Variants in LRP1B observed in about 807,000 individuals in gnomAD.
LRP1B encodes the protein low-density lipoprotein receptor-related protein 1B.
LRP1B carries 217 observed loss-of-function variants against 556.6 expected under a neutral mutation model. That is an observed-to-expected ratio of 0.39 (90% CI 0.35 to 0.44). The LOEUF (loss-of-function observed/expected upper bound fraction) is 0.44, where lower values mean the gene tolerates loss of function less well. Ranked by LOEUF, LRP1B falls within the 20% of genes least tolerant of loss-of-function variation. LRP1B has a pLI of 1.00. For synonymous variants in LRP1B, 2,047 were observed against 1,865.8 expected (o/e 1.10, Z -2.50); for missense variants, 5,053 against 5,620.8 (o/e 0.90, Z 3.23).
chr2:141,153,739 T>C (rs1034852583), intron 7 of LRP1B, among the ~76,000 whole-genome samples: 3 of 150,328 alleles, frequency 2.0e-5, no homozygotes, highest in Non-Finnish European at 3.0e-5. Flanking sequence ...AGCTAGGAAA[T>C]ATCTTCAAGA....
intron 66 of LRP1B, among the ~76,000 whole-genome samples, chr2:140,404,974 G>A (rs1420526917): frequency 6.6e-6 from 1 of 152,130 alleles, no homozygotes; most frequent in African/African-American, 2.4e-5. Context: ...GATATGATAG[G>A]CTGCAAAACA....
chr2:141,948,799 ATAATT>A (rs1485118784), intron 1 of LRP1B, among the ~76,000 whole-genome samples: 1 of 152,106 alleles, frequency 6.6e-6, no homozygotes, highest in African/African-American at 2.4e-5. Context: ...CATAAAAATA[ATAATT>A]TAATAACAAT....
intron 7 of LRP1B, among the ~76,000 whole-genome samples, chr2:141,131,548 A>T (rs993706088): frequency 1.3e-5 from 2 of 151,462 alleles, no homozygotes; most frequent in Non-Finnish European, 2.9e-5. Context: ...AAGAAAATAA[A>T]TTCAAACCAT....
intron 1 of LRP1B, among the ~76,000 whole-genome samples, chr2:142,098,306 TGC>T (rs1706448199): frequency 2.0e-5 from 3 of 151,792 alleles, no homozygotes; most frequent in Non-Finnish European, 4.4e-5. Flanking sequence ...TCTTTGTTGA[TGC>T]TTTTAAATAA....
chr2:142,092,505 A>T (rs894951216), intron 1 of LRP1B, among the ~76,000 whole-genome samples: 2 of 152,134 alleles, frequency 1.3e-5, no homozygotes, highest in Non-Finnish European at 2.9e-5. Context: ...AAATTAATAG[A>T]TATGGTAGAA....
intron 2 of LRP1B, among the ~76,000 whole-genome samples, chr2:141,613,100 A>G (rs1688167476): frequency 9.2e-5 from 14 of 151,718 alleles, no homozygotes; most frequent in Admixed American, 9.2e-4. Flanking sequence ...GAGCCACCGC[A>G]CCTGGCCTGT....
chr2:142,042,610 A>G (rs1469463843), intron 1 of LRP1B, among the ~76,000 whole-genome samples: 2 of 151,490 alleles, frequency 1.3e-5, no homozygotes, highest in African/African-American at 2.4e-5. Context: ...TTCTTCAGCA[A>G]TCCTGGCAAG....
chr2:141,062,897 C>T (rs1172275383), intron 7 of LRP1B, among the ~76,000 whole-genome samples: 2 of 151,762 alleles, frequency 1.3e-5, no homozygotes, highest in South Asian at 4.1e-4. Context: ...TAGGTCATTT[C>T]TTCTTGTTTT....
At chr2:140,443,165 A>C (rs1198902872) in intron 65 of LRP1B, among the ~76,000 whole-genome samples, 1 of 152,078 alleles carries the variant, frequency 6.6e-6, no homozygotes, top group Non-Finnish European at 1.5e-5. Context: ...GAATCAAGTG[A>C]TTCTCCTGCC....
At chr2:140,325,071 C>T (rs1320913146) in intron 80 of LRP1B, among the ~76,000 whole-genome samples, 1 of 150,818 alleles carries the variant, frequency 6.6e-6, no homozygotes, top group Non-Finnish European at 1.5e-5. Context: ...TTTGTGGTTA[C>T]AAAAAAATTG....
At chr2:141,162,915 T>C (rs1218814672) in intron 7 of LRP1B, among the ~76,000 whole-genome samples, 1 of 152,140 alleles carries the variant, frequency 6.6e-6, no homozygotes, top group Admixed American at 6.6e-5. Flanking sequence ...TATCTCACTT[T>C]GAGCAAACTA....
intron 43 of LRP1B, among the ~76,000 whole-genome samples, chr2:140,560,970 G>C (rs1663121171): frequency 6.6e-6 from 1 of 152,080 alleles, no homozygotes; most frequent in African/African-American, 2.4e-5. Context: ...GGAATGTACT[G>C]GTGCTCAGAA....
In LRP1B at chr2:140,678,770, C is replaced by CTTT. The variant is rs35395485; in HGVS notation, c.6799+21477_6799+21479dup. Among the ~76,000 whole-genome samples the CTTT allele has an allele frequency of 2.9e-4, 39 of 136,194 alleles. 1 individual carries two copies. Among genetic ancestry groups the CTTT allele is most frequent in the South Asian group, 9.3e-4 (4 of 4,316 alleles). The allele number at this position is 136,194 out of a possible 152,430, so 89.3% of individuals were successfully genotyped here. On this transcript the variant is annotated intron_variant, in intron 41 of 90. Coordinates refer to ENST00000389484, the MANE Select transcript of LRP1B (RefSeq NM_018557.3). ...GATTTCTTCTGAGGCTTCAATCTCCCTTTTTTTTTTTTTTTTGGTTGGGGG... is the reference window on the plus strand; with the variant it reads ...GATTTCTTCTGAGGCTTCAATCTCCCTTTTTTTTTTTTTTTTTTTGGTTGGGGG...
At position 141,569,692 on chromosome 2, in the gene LRP1B, G is replaced by A. The variant is rs187327951; in HGVS notation, c.206-89159C>T. Among the ~76,000 whole-genome samples the A allele has an allele frequency of 4.2e-4, 63 of 151,198 alleles. 3 individuals carry two copies. The highest frequency in any genetic ancestry group is 1.9e-3 in the Admixed American group (29 of 15,172). ...TATTTGGATTGATTCATAATCCAAA[G>A]CATTTTTAAAGTTGGCTGGCTGGAA... On this transcript the variant is annotated intron_variant, in intron 2 of 90. Transcript: ENST00000389484.
In LRP1B at chr2:141,020,081, A is replaced by G; in HGVS notation, c.1811T>C (p.Ile604Thr). The G allele has an allele frequency of 1.2e-6, 2 of 1,605,974 alleles. No individual in the cohort carries two copies. The highest frequency in any genetic ancestry group is 1.7e-6 in the Non-Finnish European group (2 of 1,175,268). The change falls in exon 12 of 91, where the codon ATT (isoleucine) becomes ACT (threonine). Residue 604 changes from isoleucine (I) to threonine (T), a missense_variant. This residue lies in a region of LRP1B where 3,619 missense variants were observed against 3,931.9 expected (regional missense o/e 0.92). Transcript: ENST00000389484. ...ATTATTTCCAATCCAGTCCACAGCA[A>G]TGCCCTCTACATTATCCAGATCTAT... ...LKDDLDNVEG[I>T]AVDWIGNNLY... is the part of the protein sequence containing the mutation.
At chr2:140,635,523 G>A (rs1327215879) in intron 41 of LRP1B, among the ~76,000 whole-genome samples, 1 of 150,714 alleles carries the variant, frequency 6.6e-6, no homozygotes, top group African/African-American at 2.4e-5. Flanking sequence ...TTTTTCTTTT[G>A]CTTGGATTGT....
At chr2:140,936,357 A>G (rs1439259666) in intron 20 of LRP1B, among the ~76,000 whole-genome samples, 2 of 123,784 alleles carry the variant, frequency 1.6e-5, no homozygotes, top group Non-Finnish European at 3.3e-5. Context: ...AAAAAAAAAA[A>G]AAAAAGAAAG....
At chr2:140,729,787 A>T (rs533612882) in intron 35 of LRP1B, among the ~76,000 whole-genome samples, 2 of 152,312 alleles carry the variant, frequency 1.3e-5, no homozygotes, top group South Asian at 2.1e-4. Context: ...AGAAAGCTTC[A>T]TATTCTCTTC....
At chr2:141,798,273 T>G (rs897701567) in intron 2 of LRP1B, among the ~76,000 whole-genome samples, 1 of 152,204 alleles carries the variant, frequency 6.6e-6, no homozygotes, top group African/African-American at 2.4e-5. Context: ...ATCCAGTGTA[T>G]ACAGGTGTTT....
Sources: gnomAD v4.1 joint callset for allele counts (sites outside exome capture counted in the v4.1 genomes callset) on GRCh38, gnomAD v4.1.1 for gene constraint, gnomAD v4.1.1 regional missense constraint, MANE v1.5 for transcripts, NCBI Gene and HGNC (gene_info 2026-07-23, HGNC 2026-07-21) for gene names.